The following MATN2 variants were observed in gnomAD, a reference collection of about 807,000 sequenced individuals.
MATN2 encodes matrilin 2.
Under a neutral mutation model 103.2 loss-of-function variants are expected in MATN2, and 69 were observed. That is an observed-to-expected ratio of 0.67 (90% CI 0.55 to 0.82). The LOEUF (loss-of-function observed/expected upper bound fraction) is 0.82, where lower values mean the gene tolerates loss of function less well. Among genes scored for constraint, MATN2 ranks in the 40% least tolerant of loss-of-function variants. MATN2 has a pLI of 0.00. For missense variants in MATN2, 1,023 were observed against 1,211.5 expected, an observed-to-expected ratio of 0.84 and a Z score of 2.31; for synonymous variants, 429 against 450.2, an observed-to-expected ratio of 0.95 and a Z score of 0.60.
chr8:98,003,730 A>G lies in MATN2; in HGVS notation c.1274A>G (p.Tyr425Cys), dbSNP rs199538521. ...HECVNMEESY[Y>C]CRCHRGYTLD... Reference sequence around the variant, plus strand: ...TGCGTCAACATGGAGGAGAGCTACTACTGCCGCTGCCACCGTGGCTACACT... The same window carrying G: ...TGCGTCAACATGGAGGAGAGCTACTGCTGCCGCTGCCACCGTGGCTACACT... Residue 425 changes from tyrosine to cysteine, a missense_variant, in exon 8 of 19, where the codon TAC becomes TGC. Physicochemically the swap from Tyr to Cys is radical, Grantham distance 194. Transcript: ENST00000254898. The G allele has an allele frequency of 1.2e-6, 2 of 1,613,846 alleles. No individual in the cohort carries two copies. The highest frequency in any genetic ancestry group is 1.7e-6 in the Non-Finnish European group (2 of 1,179,834).
intron 2 of MATN2, among the ~76,000 whole-genome samples, chr8:97,913,829 G>A (rs542225739): frequency 1.3e-4 from 20 of 152,174 alleles, no homozygotes; most frequent in Non-Finnish European, 2.5e-4. Flanking sequence ...TGGCCAGGCT[G>A]GCCTCGAACT....
intron 6 of MATN2, among the ~76,000 whole-genome samples, chr8:97,990,516 A>G (rs1270902698): frequency 2.0e-5 from 3 of 152,238 alleles, no homozygotes; most frequent in Non-Finnish European, 4.4e-5. Flanking sequence ...AAACTTGTGC[A>G]TTAGTGTTCA....
intron 2 of MATN2, among the ~76,000 whole-genome samples, chr8:97,926,381 T>C (rs745674267): frequency 2.6e-5 from 4 of 152,178 alleles, no homozygotes; most frequent in Non-Finnish European, 4.4e-5. Flanking sequence ...ACAGTTCCCA[T>C]GTGGAGAAAC....
chr8:97,912,105 T>G (rs1176726585), intron 2 of MATN2, among the ~76,000 whole-genome samples: 1 of 152,248 alleles, frequency 6.6e-6, no homozygotes, highest in East Asian at 1.9e-4. Context: ...CTGCACGACC[T>G]GCTTCTCCCT....
At chr8:97,876,909 T>A (rs1018928485) in intron 1 of MATN2, among the ~76,000 whole-genome samples, 1 of 152,176 alleles carries the variant, frequency 6.6e-6, no homozygotes, top group African/African-American at 2.4e-5. Context: ...CCGTAATTAA[T>A]TCTTTTTTAT....
intron 2 of MATN2, among the ~76,000 whole-genome samples, chr8:97,916,546 T>C (rs1468161133): frequency 1.3e-5 from 2 of 152,194 alleles, no homozygotes; most frequent in Non-Finnish European, 2.9e-5. Flanking sequence ...TCCCACCCTC[T>C]GATGGGCCCC....
At chr8:97,878,082 T>G (rs1342649430) in intron 1 of MATN2, among the ~76,000 whole-genome samples, 2 of 152,020 alleles carry the variant, frequency 1.3e-5, no homozygotes, top group Non-Finnish European at 2.9e-5. Context: ...AAAAAAAAAG[T>G]TATGGAACAT....
At chr8:97,917,572 C>A (rs1382339859) in intron 2 of MATN2, among the ~76,000 whole-genome samples, 2 of 152,276 alleles carry the variant, frequency 1.3e-5, no homozygotes, top group East Asian at 3.9e-4. Context: ...CCCGCTCTGG[C>A]AGGACAGGGA....
At chr8:98,023,066 C>T (rs1455996493) in intron 13 of MATN2, among the ~76,000 whole-genome samples, 1 of 151,928 alleles carries the variant, frequency 6.6e-6, no homozygotes, top group African/African-American at 2.4e-5. Flanking sequence ...CTAGCCTGGG[C>T]AACAGAGGAA....
rs1813366743 is a variant in MATN2, at chr8:98,016,603, C to T, written c.1637C>T (p.Ser546Leu). The T allele has an allele frequency of 2.5e-6, 4 of 1,611,816 alleles. No individual in the cohort carries two copies. Among genetic ancestry groups the T allele is most frequent in the Admixed American group, 1.7e-5 (1 of 59,740 alleles). Residue 546 changes from serine (S) to leucine (L), a missense_variant, in exon 11 of 19, where the codon TCG becomes TTG. Coordinates refer to ENST00000254898, the MANE Select transcript of MATN2 (RefSeq NM_002380.5). The stretch of plus-strand genomic sequence containing the variant: ...CATTCGTGTGTAAGCAGTGAAGATT[C>T]GTTTGTGTGCCAGTGCTTTGAAGGT... The part of the protein sequence containing the change: ...CEHSCVSSED[S>L]FVCQCFEGYI...
intron 7 of MATN2, among the ~76,000 whole-genome samples, chr8:98,002,708 G>C (rs1242279615): frequency 6.6e-6 from 1 of 152,124 alleles, no homozygotes; most frequent in Non-Finnish European, 1.5e-5. Context: ...AGAATCCACA[G>C]GTATACTTCA....
chr8:97,989,772 A>G (rs1352371631), intron 6 of MATN2, among the ~76,000 whole-genome samples: 1 of 152,226 alleles, frequency 6.6e-6, no homozygotes, highest in Non-Finnish European at 1.5e-5. Flanking sequence ...TTAAAAAGCT[A>G]CTAGAACTAT....
At chr8:97,975,937 G>A (rs1195964009) in intron 5 of MATN2, among the ~76,000 whole-genome samples, 2 of 152,192 alleles carry the variant, frequency 1.3e-5, no homozygotes, top group African/African-American at 2.4e-5. Flanking sequence ...TTAGAAGGAT[G>A]TGGTGCTAGC....
At chr8:97,941,738 C>T (rs1563681453) in intron 3 of MATN2, 39 bp from the exon 4 acceptor site, 3 of 1,549,650 alleles carry the variant, frequency 1.9e-6, no homozygotes, top group Non-Finnish European at 2.6e-6. Flanking sequence ...TGAGAAAGGG[C>T]ATCACTGTTG....
At chr8:98,010,166 C>A (rs779511916) in intron 10 of MATN2, among the ~76,000 whole-genome samples, 1 of 152,152 alleles carries the variant, frequency 6.6e-6, no homozygotes, top group Non-Finnish European at 1.5e-5. Flanking sequence ...AGTGGCAAGT[C>A]CCCCATTCTC....
At chr8:97,908,471 C>A (rs113414456) in intron 2 of MATN2, among the ~76,000 whole-genome samples, 98 of 152,272 alleles carry the variant, frequency 6.4e-4, no homozygotes, top group Non-Finnish European at 1.1e-3. Flanking sequence ...CAGAGCTTCT[C>A]ATCTCTGGGC....
intron 10 of MATN2, among the ~76,000 whole-genome samples, chr8:98,009,736 G>A (rs1813095037): frequency 6.6e-6 from 1 of 152,190 alleles, no homozygotes; most frequent in African/African-American, 2.4e-5. Flanking sequence ...AGGGTGTGGG[G>A]GGTCGGGGAG....
At chr8:97,973,583 T>C (rs971675640) in intron 5 of MATN2, among the ~76,000 whole-genome samples, 3 of 151,330 alleles carry the variant, frequency 2.0e-5, no homozygotes, top group African/African-American at 7.3e-5. Flanking sequence ...TTTTTTTTTT[T>C]TTTTTTGAGA....
In MATN2 at chr8:97,902,468, G is replaced by A. The variant is rs377557521; in HGVS notation, c.142+14226G>A. On this transcript the variant is annotated intron_variant, in intron 2 of 18. Coordinates refer to ENST00000254898, the MANE Select transcript of MATN2 (RefSeq NM_002380.5). ...GCCGAGATCGCACCATTGCACTCCA[G>A]CCCAGGCAACAAGAACGAAACTCCG... 3.3e-3 allele frequency among the ~76,000 whole-genome samples: 478 copies of A among 146,848 alleles called. 3 individuals are homozygous for A. Among genetic ancestry groups the A allele is most frequent in the African/African-American group, 0.011 (450 of 40,076 alleles).
Sources: allele counts gnomAD v4.1 joint callset (sites outside exome capture counted in the v4.1 genomes callset), GRCh38; gene constraint gnomAD v4.1.1; transcripts MANE v1.5; gene names NCBI Gene and HGNC (gene_info 2026-07-23, HGNC 2026-07-21).